Variants in SSH2 observed in about 807,000 individuals in gnomAD.
SSH2 encodes protein phosphatase Slingshot homolog 2.
SSH2 carries 37 observed loss-of-function variants against 135.2 expected under a neutral mutation model. The observed-to-expected ratio is 0.27, with a 90% CI of 0.21 to 0.36. The LOEUF (loss-of-function observed/expected upper bound fraction) is 0.36, where lower values mean the gene tolerates loss of function less well. Ranked by LOEUF, SSH2 falls within the 10% of genes least tolerant of loss-of-function variation. The pLI, the probability that SSH2 is intolerant of heterozygous loss-of-function variation, is 1.00. For synonymous variants in SSH2, 628 were observed against 646.2 expected, an observed-to-expected ratio of 0.97 and a Z score of 0.43; for missense variants, 1,408 against 1,765.3, an observed-to-expected ratio of 0.80 and a Z score of 3.63.
Position 29,632,071 on chromosome 17 carries a change from A to G in SSH2, c.3123T>C (p.Tyr1041=). 2.5e-6 allele frequency: 4 copies of G among 1,614,190 alleles called. No homozygotes were observed. In the South Asian group the frequency reaches 4.4e-5, roughly 18 times the overall value. Residue 1041 remains tyrosine, a synonymous_variant, in exon 16 of 16, where the codon TAT becomes TAC. Transcript: ENST00000540801. ...PLPKRVEIIE[Y]THIVTSPNHT... ...GATTGGGTGATGTAACTATGTGGGT[A>G]TATTCAATGATTTCTACCCTCTTGG...
intron 12 of SSH2, among the ~76,000 whole-genome samples, chr17:29,651,016 G>A (rs1447612416): frequency 6.6e-6 from 1 of 152,112 alleles, no homozygotes; most frequent in Non-Finnish European, 1.5e-5. Flanking sequence ...GAATTATTAA[G>A]CAAAAAGTTA....
chr17:29,721,733 A>ACAAGAAAGGGAAAATGATGAGGAGG (rs1036231867), intron 3 of SSH2, among the ~76,000 whole-genome samples: 1 of 152,144 alleles, frequency 6.6e-6, no homozygotes, highest in Non-Finnish European at 1.5e-5. Context: ...TTTTTGTCAA[A>ACAAGAAAGGGAAAATGATGAGGAGG]CAAGAAAGGG....
chr17:29,683,404 T>A (rs1411217007), intron 6 of SSH2, among the ~76,000 whole-genome samples: 2 of 152,156 alleles, frequency 1.3e-5, no homozygotes, highest in African/African-American at 4.8e-5. Context: ...CAAAGGTACA[T>A]AAAAAGTTCT....
At chr17:29,888,395 A>G (rs2066280329) in intron 1 of SSH2, among the ~76,000 whole-genome samples, 1 of 152,176 alleles carries the variant, frequency 6.6e-6, no homozygotes, top group Non-Finnish European at 1.5e-5. Context: ...AGAGATTTGG[A>G]GAGAATCAGG....
At chr17:29,644,289 C>A (rs1405120441) in intron 14 of SSH2, among the ~76,000 whole-genome samples, 1 of 152,198 alleles carries the variant, frequency 6.6e-6, no homozygotes, top group African/African-American at 2.4e-5. Flanking sequence ...AAGGTATTTA[C>A]TCCCCTAGCT....
chr17:29,831,795 T>C (rs2042849590), intron 2 of SSH2, among the ~76,000 whole-genome samples: 1 of 152,150 alleles, frequency 6.6e-6, no homozygotes, highest in Admixed American at 6.5e-5. Context: ...GGCGAGGCTG[T>C]CTCCAACTCC....
intron 1 of SSH2, among the ~76,000 whole-genome samples, chr17:29,895,021 C>G (rs1448527820): frequency 6.6e-6 from 1 of 151,392 alleles, no homozygotes; most frequent in African/African-American, 2.4e-5. Context: ...CCATCATGCC[C>G]CTTCTCTGAC....
intron 3 of SSH2, among the ~76,000 whole-genome samples, chr17:29,731,422 TTTA>T (rs1567925182): frequency 0.21 from 523 of 2,444 alleles, 9 homozygotes; most frequent in East Asian, 0.4. Flanking sequence ...GTATTTTTTA[TTTA>T]TTTATTTATT....
intron 3 of SSH2, among the ~76,000 whole-genome samples, chr17:29,773,962 G>A (rs986039164): frequency 2.0e-5 from 3 of 152,024 alleles, no homozygotes; most frequent in East Asian, 1.9e-4. Context: ...GAGCCACCAC[G>A]CCCAGCCATT....
chr17:29,923,327 GA>G (rs1157131955), intron 1 of SSH2, among the ~76,000 whole-genome samples: 1 of 151,570 alleles, frequency 6.6e-6, no homozygotes, highest in Non-Finnish European at 1.5e-5. Flanking sequence ...ATTTATAATA[GA>G]AAAAAAAGGG....
chr17:29,627,167 T>C lies in SSH2; in HGVS notation c.*3674A>G, dbSNP rs1312993890. The C allele has an allele frequency of 5.2e-5, 8 of 152,612 alleles. No homozygotes were observed. The highest frequency in any genetic ancestry group is 1.7e-4 in the African/African-American group (7 of 41,454). 9.5% of individuals were successfully genotyped at this position (152,612 alleles called of 1,614,324 possible). A position where few individuals can be genotyped will look rare whatever the true frequency, so the allele number is the denominator to read the frequency against. On this transcript the variant is annotated 3_prime_UTR_variant, in exon 16 of 16. Transcript: ENST00000540801. ...TGCATGGCCGACAAGATGATGCACA[T>C]TTTAATATTCAAAATGTAAACAAAG...
chr17:29,639,341 G>C (rs764508500), intron 14 of SSH2, among the ~76,000 whole-genome samples: 7 of 152,058 alleles, frequency 4.6e-5, no homozygotes, highest in Non-Finnish European at 8.8e-5. Context: ...ATGGTCCTTG[G>C]GGGTGTGGTC....
At position 29,926,024 on chromosome 17, in the gene SSH2, C is replaced by T. The variant is rs1201490764; in HGVS notation, c.63+3914G>A. ...TTATCTAGGAAGAACAATATCTATC[C>T]TAAGAGTTGGCATCTCTGATCCCTC... On this transcript the variant is annotated intron_variant, in intron 1 of 15. Coordinates refer to ENST00000540801, the MANE Select transcript of SSH2 (RefSeq NM_001282129.2). Among the ~76,000 whole-genome samples, 5 of 152,152 alleles carry T rather than the reference C, an allele frequency of 3.3e-5. No individual in the cohort carries two copies. In the East Asian group the frequency reaches 9.7e-4, roughly 29 times the overall value.
At chr17:29,702,300 C>T (rs2039014688) in intron 4 of SSH2, among the ~76,000 whole-genome samples, 1 of 150,946 alleles carries the variant, frequency 6.6e-6, no homozygotes, top group African/African-American at 2.4e-5. Flanking sequence ...TTGCAATGAG[C>T]TGAGATTATG....
At chr17:29,691,800 G>A (rs1307707688) in intron 5 of SSH2, among the ~76,000 whole-genome samples, 1 of 150,220 alleles carries the variant, frequency 6.7e-6, no homozygotes, top group African/African-American at 2.4e-5. Context: ...TATTTTCAAT[G>A]CTAAAGCAAA....
chr17:29,900,337 G>C (rs2066527006), intron 1 of SSH2, among the ~76,000 whole-genome samples: 1 of 152,072 alleles, frequency 6.6e-6, no homozygotes, highest in Non-Finnish European at 1.5e-5. Context: ...CCATCAGAGT[G>C]AACAGGCAAC....
chr17:29,803,691 T>C (rs2042291590), intron 2 of SSH2, among the ~76,000 whole-genome samples: 1 of 152,124 alleles, frequency 6.6e-6, no homozygotes, highest in Non-Finnish European at 1.5e-5. Context: ...ATTGAATAAG[T>C]AGACAAAATT....
chr17:29,885,097 G>A (rs2066210012), intron 1 of SSH2, among the ~76,000 whole-genome samples: 2 of 152,052 alleles, frequency 1.3e-5, no homozygotes, highest in South Asian at 4.1e-4. Flanking sequence ...AAGCCTCCAA[G>A]GTCTTGGCTC....
chr17:29,926,488 A>C (rs2067067827), intron 1 of SSH2, among the ~76,000 whole-genome samples: 2 of 150,322 alleles, frequency 1.3e-5, no homozygotes, highest in Admixed American at 1.3e-4. Flanking sequence ...CAAGAGGTGG[A>C]GGTTGCAGTG....
Sources: allele counts gnomAD v4.1 joint callset (sites outside exome capture counted in the v4.1 genomes callset), GRCh38; gene constraint gnomAD v4.1.1; transcripts MANE v1.5; gene names NCBI Gene and HGNC (gene_info 2026-07-23, HGNC 2026-07-21).